The following GLYATL1B variants were observed in gnomAD, a reference collection of about 807,000 sequenced individuals.
The protein encoded by GLYATL1B is glycine-N-acyltransferase like 1B, also known as putative glycine N-acyltransferase-like protein 1B.
GLYATL1B carries 6 observed loss-of-function variants against 5.5 expected under a neutral mutation model. The observed-to-expected ratio is 1.09, with a 90% CI of 0.60 to 2.15. The LOEUF is 2.15. GLYATL1B is among the 30% of genes most tolerant of loss of function. The pLI, the probability that GLYATL1B is intolerant of heterozygous loss-of-function variation, is 0.00. For synonymous variants in GLYATL1B, 67 were observed against 34.9 expected (o/e 1.92, Z -3.24); for missense variants, 135 against 94.1 (o/e 1.43, Z -1.80).
At chr11:59,093,071 G>T (rs1174562320) in intron 2 of GLYATL1B, among the ~76,000 whole-genome samples, 1 of 152,234 alleles carries the variant, frequency 6.6e-6, no homozygotes, top group African/African-American at 2.4e-5. Context: ...AGGGGGTTAT[G>T]TGGGGCACAG....
At chr11:59,092,760 G>C (rs576957067) in intron 2 of GLYATL1B, among the ~76,000 whole-genome samples, 10 of 152,262 alleles carry the variant, frequency 6.6e-5, no homozygotes, top group Non-Finnish European at 1.0e-4. Flanking sequence ...AGAGTGCTAC[G>C]GAAAATTCAG....
At position 59,094,648 on chromosome 11, in the gene GLYATL1B, G is replaced by C; in HGVS notation, c.771G>C (p.Gln257His). The change falls in exon 5 of 5, where the codon CAG (glutamine) becomes CAC (histidine). Residue 257 changes from glutamine to histidine, a missense_variant. Transcript: ENST00000527482. ...TGCGATGCATGAAGTATCTGTGTCA[G>C]AAGAATATTCCATTTTACGGCTCTG... is the stretch of plus-strand genomic sequence containing the variant. ...LIMRCMKYLC[Q>H]KNIPFYGSVL... 1 of 432,284 alleles carries C rather than the reference G, an allele frequency of 2.3e-6. No individual in the cohort carries two copies. The highest frequency in any genetic ancestry group is 4.2e-6 in the Non-Finnish European group (1 of 239,122). The allele number at this position is 432,284 out of a possible 1,614,324, so 26.8% of individuals were successfully genotyped here. A position where few individuals can be genotyped will look rare whatever the true frequency, so the allele number is the denominator to read the frequency against.
Position 59,094,615 on chromosome 11 carries a change from G to A in GLYATL1B, c.738G>A (p.Arg246=), listed in dbSNP as rs1304514364. The change falls in exon 5 of 5, where the codon CGG becomes CGA. Residue 246 remains arginine (R), a synonymous_variant. Coordinates refer to ENST00000527482, the MANE Select transcript of GLYATL1B (RefSeq NM_001355566.1). ...ACCGAAGGAGAGGCAATGGGACACG[G>A]CTGATCATGCGATGCATGAAGTATC... ...EKYRRRGNGT[R]LIMRCMKYLC... is the part of the protein sequence containing the mutation. The A allele has an allele frequency of 1.1e-5, 5 of 451,780 alleles. No individual in the cohort carries two copies. The highest frequency in any genetic ancestry group is 3.9e-5 in the Admixed American group (1 of 25,538). 28.0% of individuals were successfully genotyped at this position (451,780 alleles called of 1,614,324 possible). A position where few individuals can be genotyped will look rare whatever the true frequency, so the allele number is the denominator to read the frequency against.
At chr11:59,091,165 G>A (rs1180083816) in intron 2 of GLYATL1B, among the ~76,000 whole-genome samples, 2 of 151,814 alleles carry the variant, frequency 1.3e-5, no homozygotes, top group African/African-American at 4.8e-5. Context: ...CAGAATTTTT[G>A]CATCTGTATT....
chr11:59,086,856 G>A (rs775494788), intron 1 of GLYATL1B, among the ~76,000 whole-genome samples: 3 of 152,158 alleles, frequency 2.0e-5, no homozygotes, highest in Non-Finnish European at 4.4e-5. Flanking sequence ...TAGCTCTGTG[G>A]TATCACAAGA....
Position 59,087,068 on chromosome 11 carries a change from A to G in GLYATL1B, c.83A>G (p.Tyr28Cys), listed in dbSNP as rs1859206728. 6.0e-6 allele frequency: 4 copies of G among 664,344 alleles called. No homozygotes were observed. Among genetic ancestry groups the G allele is most frequent in the South Asian group, 2.1e-5 (1 of 48,430 alleles). The allele number at this position is 664,344 out of a possible 1,614,324, so 41.2% of individuals were successfully genotyped here. A position where few individuals can be genotyped will look rare whatever the true frequency, so the allele number is the denominator to read the frequency against. Residue 28 changes from tyrosine to cysteine, a missense_variant, in exon 2 of 5, where the codon TAT becomes TGT. Physicochemically the swap from Tyr to Cys is radical, Grantham distance 194. Coordinates refer to ENST00000527482, the MANE Select transcript of GLYATL1B (RefSeq NM_001355566.1). ...TCCCTTTCATCCCTCCTTCAGGTGT[A>G]TGGCTCTCTGTTTCACATCAATCAC... The part of the protein sequence containing the change: ...ARSIPESLKV[Y>C]GSLFHINHGN...
chr11:59,086,922 T>G (rs1248817750), intron 1 of GLYATL1B, 142 bp from the exon 2 acceptor site: 1 of 436,110 alleles, frequency 2.3e-6, no homozygotes, highest in Non-Finnish European at 4.0e-6. Context: ...ATCAGTATGG[T>G]CCTGGAGATG....
intron 2 of GLYATL1B, among the ~76,000 whole-genome samples, chr11:59,089,149 A>T (rs1417343793): frequency 6.6e-6 from 1 of 152,156 alleles, no homozygotes; most frequent in Non-Finnish European, 1.5e-5. Context: ...TTTGCCTTTG[A>T]CATATGGACA....
chr11:59,086,448 C>T (rs1859197355), intron 1 of GLYATL1B, 64 bp downstream of exon 1: 1 of 397,508 alleles, frequency 2.5e-6, no homozygotes, highest in East Asian at 3.6e-5. Flanking sequence ...AACTAACAGG[C>T]TCATGAATCT....
At chr11:59,092,487 A>G (rs563028710) in intron 2 of GLYATL1B, among the ~76,000 whole-genome samples, 1 of 152,284 alleles carries the variant, frequency 6.6e-6, no homozygotes, top group East Asian at 1.9e-4. Flanking sequence ...TGTTTTGGCC[A>G]TATTCAGGAA....
At chr11:59,091,688 C>T (rs796837938) in intron 2 of GLYATL1B, among the ~76,000 whole-genome samples, 20 of 152,220 alleles carry the variant, frequency 1.3e-4, no homozygotes, top group African/African-American at 4.3e-4. Flanking sequence ...AGTTGCCATT[C>T]GACCCAGCAA....
intron 1 of GLYATL1B, among the ~76,000 whole-genome samples, 167 bp downstream of exon 1, chr11:59,086,551 G>A (rs1351600978): frequency 3.3e-5 from 5 of 151,986 alleles, no homozygotes; most frequent in Non-Finnish European, 5.9e-5. Context: ...GCTTCTCCTC[G>A]GCAACAGGCA....
chr11:59,092,056 A>T (rs1298584475), intron 2 of GLYATL1B, among the ~76,000 whole-genome samples: 4 of 152,138 alleles, frequency 2.6e-5, no homozygotes, highest in Non-Finnish European at 5.9e-5. Context: ...GAGGGATAAC[A>T]TCCATTTCTT....
intron 2 of GLYATL1B, among the ~76,000 whole-genome samples, chr11:59,092,690 G>A (rs548718759): frequency 2.0e-5 from 3 of 152,268 alleles, no homozygotes; most frequent in Admixed American, 2.0e-4. Context: ...TGGCTTGTGA[G>A]AATGAGATCA....
chr11:59,091,670 TAAAA>T (rs974908382), intron 2 of GLYATL1B, among the ~76,000 whole-genome samples: 1 of 152,174 alleles, frequency 6.6e-6, no homozygotes, highest in African/African-American at 2.4e-5. Context: ...TTAGAGAACT[TAAAA>T]GAGAGTTGCC....
chr11:59,092,644 C>T (rs1747481134), intron 2 of GLYATL1B, among the ~76,000 whole-genome samples: 1 of 152,122 alleles, frequency 6.6e-6, no homozygotes, highest in African/African-American at 2.4e-5. Flanking sequence ...TTATATTTCC[C>T]CTGATAAACA....
rs548067175 is a variant in GLYATL1B, at chr11:59,092,656, A to T, written c.187-873A>T. ...TGTTTATATTTCCCCTGATAAACAG[A>T]TACTCATCGTCCCATGAAGTTTGTG... On this transcript the variant is annotated intron_variant, in intron 2 of 4. Coordinates refer to ENST00000527482, the MANE Select transcript of GLYATL1B (RefSeq NM_001355566.1). 5.9e-5 allele frequency among the ~76,000 whole-genome samples: 9 copies of T among 152,360 alleles called. No homozygotes were observed. In the South Asian group the frequency reaches 1.2e-3, roughly 21 times the overall value.
chr11:59,086,764 C>A (rs1398628912), intron 1 of GLYATL1B, among the ~76,000 whole-genome samples: 1 of 152,124 alleles, frequency 6.6e-6, no homozygotes, highest in Non-Finnish European at 1.5e-5. Flanking sequence ...TAGTACCTAC[C>A]TCTTAAAGTT....
intron 1 of GLYATL1B, 102 bp from the exon 2 acceptor site, chr11:59,086,962 C>T (rs1859204972): frequency 2.2e-6 from 1 of 456,688 alleles, no homozygotes; most frequent in Admixed American, 3.6e-5. Flanking sequence ...TGACTTGGTC[C>T]CAGTACTGTC....
Sources: allele counts gnomAD v4.1 joint callset (sites outside exome capture counted in the v4.1 genomes callset), GRCh38; gene constraint gnomAD v4.1.1; transcripts MANE v1.5; gene names NCBI Gene and HGNC (gene_info 2026-07-23, HGNC 2026-07-21).